WARS2: variants seen among roughly 807,000 people sequenced by gnomAD.
The protein encoded by WARS2 is tryptophanyl tRNA synthetase 2, mitochondrial.
Under a neutral mutation model 36.5 loss-of-function variants are expected in WARS2, and 28 were observed. The observed-to-expected ratio is 0.77, with a 90% CI of 0.57 to 1.05. WARS2 has a LOEUF of 1.05. WARS2 is among the 50% of genes least tolerant of loss of function. WARS2 has a pLI of 0.00. For missense variants in WARS2, 435 were observed against 456.8 expected, an observed-to-expected ratio of 0.95 and a Z score of 0.44; for synonymous variants, 174 against 178.4, an observed-to-expected ratio of 0.98 and a Z score of 0.20.
chr1:119,042,495 A>C, intron 3 of WARS2, 146 bp from the exon 4 acceptor site: 2 of 668,650 alleles, frequency 3.0e-6, no homozygotes, highest in South Asian at 3.7e-5. Flanking sequence ...CCTTTTTAGC[A>C]ACTCTAGCCA....
intron 1 of WARS2, among the ~76,000 whole-genome samples, chr1:119,086,429 T>C (rs587634155): frequency 6.6e-6 from 1 of 152,334 alleles, no homozygotes; most frequent in East Asian, 1.9e-4. Flanking sequence ...TTTAATACTT[T>C]TCTAACTGTG....
intron 1 of WARS2, chr1:119,082,200 T>C (rs1652249315): frequency 1.1e-6 from 1 of 925,030 alleles, no homozygotes; most frequent in African/African-American, 1.8e-5. Context: ...TGATAAGCAC[T>C]TAATATGTAT....
intron 2 of WARS2, among the ~76,000 whole-genome samples, chr1:119,048,950 C>A (rs985186154): frequency 4.1e-4 from 62 of 152,276 alleles, no homozygotes; most frequent in African/African-American, 1.5e-3. Context: ...GTAATCCCAG[C>A]TACTCGGGAG....
rs376072470 is a variant in WARS2, at chr1:119,045,624, G to A, written c.387C>T (p.Cys129=). ...EHTQLSWILS[C]MVRLPRLQHL... Reference sequence around the variant, plus strand: ...GTTGTAATCGAGGTAGTCTGACCATGCAGGAAAGGATCCAACTTAATTGTG... The same window carrying A: ...GTTGTAATCGAGGTAGTCTGACCATACAGGAAAGGATCCAACTTAATTGTG... The change falls in exon 3 of 6, where the codon TGC becomes TGT. Residue 129 remains cysteine, a synonymous_variant. Coordinates refer to ENST00000235521, the MANE Select transcript of WARS2 (RefSeq NM_015836.4). 1.9e-6 allele frequency: 3 copies of A among 1,594,764 alleles called. No homozygotes were observed. Among genetic ancestry groups the A allele is most frequent in the Non-Finnish European group, 2.6e-6 (3 of 1,167,636 alleles).
intron 2 of WARS2, among the ~76,000 whole-genome samples, chr1:119,055,639 C>T (rs571908470): frequency 6.7e-6 from 1 of 149,078 alleles, no homozygotes; most frequent in Non-Finnish European, 1.5e-5. Context: ...GATAGTCTGT[C>T]CCAAAAAGAA....
chr1:119,085,534 G>T, intron 1 of WARS2: 3 of 1,608,734 alleles, frequency 1.9e-6, no homozygotes, highest in Non-Finnish European at 2.5e-6. Flanking sequence ...CTTGGTGAGG[G>T]GGTACGAGCC....
intron 1 of WARS2, among the ~76,000 whole-genome samples, chr1:119,117,885 C>T (rs1363728076): frequency 6.6e-6 from 1 of 152,166 alleles, no homozygotes; most frequent in African/African-American, 2.4e-5. Flanking sequence ...ACGGGGAGAG[C>T]ATCACATCAA....
In WARS2 at chr1:119,032,011, T is replaced by C. The variant is rs1410695578; in HGVS notation, c.*900A>G. The C allele has an allele frequency of 6.5e-6, 1 of 153,494 alleles. No homozygotes were observed. The highest frequency in any genetic ancestry group is 6.5e-5 in the Admixed American group (1 of 15,310). 9.5% of individuals were successfully genotyped at this position (153,494 alleles called of 1,614,324 possible). On this transcript the variant is annotated 3_prime_UTR_variant, in exon 6 of 6. Transcript: ENST00000235521. ...GTTTAGAGTCTAAAAAACGCTGCCT[T>C]TCAGCATTTTTTTTGTACTGAATAA...
intron 1 of WARS2, among the ~76,000 whole-genome samples, chr1:119,084,015 C>T (rs932967542): frequency 7.3e-5 from 11 of 151,630 alleles, no homozygotes; most frequent in Non-Finnish European, 1.3e-4. Flanking sequence ...TTAGTTTTTC[C>T]TCATACGATG....
At chr1:119,108,042 G>A (rs897737621) in intron 1 of WARS2, among the ~76,000 whole-genome samples, 1 of 152,014 alleles carries the variant, frequency 6.6e-6, no homozygotes, top group Admixed American at 6.6e-5. Flanking sequence ...TGATTATGGT[G>A]TATAATTCTT....
chr1:119,033,506 A>G (rs1557929515), intron 5 of WARS2, 147 bp from the exon 6 acceptor site: 1 of 967,298 alleles, frequency 1.0e-6, no homozygotes, highest in South Asian at 1.6e-5. Context: ...ATATCCATTC[A>G]GTAGAAACTG....
chr1:119,066,281 A>G (rs1650847439), intron 2 of WARS2, among the ~76,000 whole-genome samples: 1 of 152,150 alleles, frequency 6.6e-6, no homozygotes, highest in Admixed American at 6.5e-5. Context: ...ATCGAGAACC[A>G]TCCTGGCTAA....
At chr1:119,034,768 G>T (rs953461977) in intron 4 of WARS2, among the ~76,000 whole-genome samples, 2 of 152,146 alleles carry the variant, frequency 1.3e-5, no homozygotes, top group African/African-American at 4.8e-5. Context: ...TTAATATGTT[G>T]CAGAGAACTT....
chr1:119,139,011 T>C (rs1216189348), intron 1 of WARS2, among the ~76,000 whole-genome samples: 1 of 152,192 alleles, frequency 6.6e-6, no homozygotes, highest in Non-Finnish European at 1.5e-5. Context: ...TCTCTCTCTT[T>C]GATTCTCTAT....
At chr1:119,081,885 G>C (rs1652219368) in intron 1 of WARS2, among the ~76,000 whole-genome samples, 1 of 152,184 alleles carries the variant, frequency 6.6e-6, no homozygotes, top group South Asian at 2.1e-4. Flanking sequence ...GCATTGTTCT[G>C]CTACAGTCAG....
chr1:119,102,686 C>T (rs185812583), intron 1 of WARS2, among the ~76,000 whole-genome samples: 1 of 152,164 alleles, frequency 6.6e-6, no homozygotes, highest in Non-Finnish European at 1.5e-5. Flanking sequence ...GAACTTTATA[C>T]CTGCCACCAC....
At chr1:119,122,223 G>C (rs1655370148) in intron 1 of WARS2, among the ~76,000 whole-genome samples, 1 of 152,134 alleles carries the variant, frequency 6.6e-6, no homozygotes, top group Non-Finnish European at 1.5e-5. Context: ...CCATCAAAAA[G>C]TGGGCTAAGG....
chr1:119,073,600 G>A (rs887655328), intron 2 of WARS2, among the ~76,000 whole-genome samples: 2 of 152,180 alleles, frequency 1.3e-5, no homozygotes, highest in African/African-American at 4.8e-5. Context: ...GCTATGAGGA[G>A]AAGACGGGCA....
rs148015490 is a variant in WARS2 at position 119,086,064 on chromosome 1, T to G, written c.91-9457A>C. On this transcript the variant is annotated intron_variant, in intron 1 of 5. Transcript: ENST00000235521. ...TCGTAGAGGCAAGGTCTTGCTATCT[T>G]GCCCAGATTGGTCTCAAACTCCTAG... The G allele has an allele frequency of 3.3e-3, 3,912 of 1,194,106 alleles. 68 individuals carry two copies. In the Admixed American group the frequency reaches 0.036, roughly 11 times the overall value. 74.0% of individuals were successfully genotyped at this position (1,194,106 alleles called of 1,614,324 possible).
Sources: gnomAD v4.1 joint callset for allele counts (sites outside exome capture counted in the v4.1 genomes callset) on GRCh38, gnomAD v4.1.1 for gene constraint, MANE v1.5 for transcripts, NCBI Gene and HGNC (gene_info 2026-07-23, HGNC 2026-07-21) for gene names.